Variants in PLCZ1 observed in about 807,000 individuals in gnomAD.
PLCZ1 encodes phospholipase C zeta 1.
A neutral mutation model predicts 76.8 loss-of-function variants in PLCZ1; 64 were observed. That is an observed-to-expected ratio of 0.83 (90% confidence interval 0.68 to 1.03). The LOEUF is 1.03. Among genes scored for constraint, PLCZ1 ranks in the 50% least tolerant of loss-of-function variants. The pLI is 0.00. For synonymous variants in PLCZ1, 248 were observed against 230.8 expected (o/e 1.07, Z -0.68); for missense variants, 751 against 713.7 (o/e 1.05, Z -0.60).
chr12:18,717,380 G>A (rs1391060324), intron 5 of PLCZ1, among the ~76,000 whole-genome samples: 1 of 152,062 alleles, frequency 6.6e-6, no homozygotes, highest in East Asian at 1.9e-4. Context: ...AATTAGAGAA[G>A]CAGCAATATT....
intron 1 of PLCZ1, 138 bp downstream of exon 1, chr12:18,737,794 G>T: frequency 3.2e-6 from 1 of 314,646 alleles, no homozygotes; most frequent in Non-Finnish European, 6.0e-6. Context: ...GCTTCCAGTG[G>T]GTTTGGGCAG....
intron 6 of PLCZ1, among the ~76,000 whole-genome samples, chr12:18,707,679 C>T (rs940304013): frequency 6.6e-6 from 1 of 152,176 alleles, no homozygotes; most frequent in Non-Finnish European, 1.5e-5. Context: ...TATGACTTCC[C>T]TAGTCATAAT....
chr12:18,663,164 C>G, the PLCZ1 span, among the ~76,000 whole-genome samples: 2 of 151,982 alleles, frequency 1.3e-5, no homozygotes, highest in East Asian at 3.9e-4. Flanking sequence ...AGATCAGGAA[C>G]AAGGCAAGGG....
rs1007098449 is a variant in PLCZ1 at position 18,692,577 on chromosome 12, A to G, written c.1461+2333T>C. On this transcript the variant is annotated intron_variant, in intron 12 of 14. Transcript: ENST00000266505. ...GACGAGAGTCTGGAGGAAAGGTGCT[A>G]GGTGGGATACAGACAGAAATAAAAA... 2.0e-5 allele frequency among the ~76,000 whole-genome samples: 3 copies of G among 152,306 alleles called. No individual in the cohort carries two copies. In the East Asian group the frequency reaches 5.8e-4, roughly 29 times the overall value.
At chr12:18,668,393 G>A in the PLCZ1 span, among the ~76,000 whole-genome samples, 1 of 152,146 alleles carries the variant, frequency 6.6e-6, no homozygotes, top group South Asian at 2.1e-4. Flanking sequence ...GGGAAAATTT[G>A]TAAAAGGAAA....
chr12:18,645,966 G>T, the PLCZ1 span, among the ~76,000 whole-genome samples: 1 of 152,086 alleles, frequency 6.6e-6, no homozygotes, highest in South Asian at 2.1e-4. Flanking sequence ...TGAACATGAT[G>T]TAGGAAGAAA....
chr12:18,657,404 A>G, the PLCZ1 span, among the ~76,000 whole-genome samples: 1 of 152,190 alleles, frequency 6.6e-6, no homozygotes, highest in Non-Finnish European at 1.5e-5. Context: ...GCTGACCCTC[A>G]GGCTCTATGA....
rs373258769 is a variant in PLCZ1, at chr12:18,701,486, A to G, written c.1017+15T>C. On this transcript the variant is annotated intron_variant, in intron 9 of 14. Coordinates refer to ENST00000266505, the MANE Select transcript of PLCZ1 (RefSeq NM_033123.4). ...TTCCAATCACTTGTAAGATTTTCAC[A>G]AAACACCACCTCACCTTCTTTTTCT... 111 of 1,614,082 alleles carry G rather than the reference A, an allele frequency of 6.9e-5. No individual in the cohort carries two copies. Among genetic ancestry groups the G allele is most frequent in the Admixed American group, 5.7e-4 (34 of 60,020 alleles).
the PLCZ1 span, among the ~76,000 whole-genome samples, chr12:18,673,688 T>G: frequency 6.6e-6 from 1 of 152,210 alleles, no homozygotes; most frequent in Admixed American, 6.5e-5. Flanking sequence ...GCCCTCTGAT[T>G]CACTGTCTCT....
At chr12:18,725,647 C>A (rs1958711586) in intron 3 of PLCZ1, among the ~76,000 whole-genome samples, 1 of 152,132 alleles carries the variant, frequency 6.6e-6, no homozygotes, top group African/African-American at 2.4e-5. Context: ...CCAAGGCCAT[C>A]TAAAATGTCA....
At chr12:18,737,188 A>G (rs1302491180) in intron 2 of PLCZ1, among the ~76,000 whole-genome samples, 173 bp downstream of exon 2, 1 of 152,198 alleles carries the variant, frequency 6.6e-6, no homozygotes, top group Non-Finnish European at 1.5e-5. Flanking sequence ...TGTAAGAAAA[A>G]GATACCAGAA....
intron 14 of PLCZ1, 143 bp downstream of exon 14, chr12:18,683,987 A>G (rs543231140): frequency 3.9e-4 from 408 of 1,045,508 alleles, no homozygotes; most frequent in Non-Finnish European, 5.0e-4. Flanking sequence ...ATAATTCCAC[A>G]GAGAAAAAAT....
At chr12:18,679,249 T>C (rs1380435807), downstream of PLCZ1, among the ~76,000 whole-genome samples, 1 of 152,032 alleles carries the variant, frequency 6.6e-6, no homozygotes, top group Non-Finnish European at 1.5e-5. Context: ...GCTTACCTTA[T>C]CATTTTCATT....
intron 12 of PLCZ1, among the ~76,000 whole-genome samples, chr12:18,692,188 A>T (rs1432565737): frequency 6.6e-6 from 1 of 152,160 alleles, no homozygotes; most frequent in African/African-American, 2.4e-5. Context: ...CTGGCCAGGG[A>T]CAGAAACATA....
In PLCZ1 at chr12:18,736,355, A is replaced by C; in HGVS notation, c.12-11T>G. ...TTTGACAAAAACCATGTAGAAGCAC[A>C]AAAAAGTTAAGGAAATTCTCACAGA... On this transcript the variant is annotated splice_polypyrimidine_tract_variant and intron_variant, in intron 2 of 14. Coordinates refer to ENST00000266505, the MANE Select transcript of PLCZ1 (RefSeq NM_033123.4). 5.6e-6 allele frequency: 9 copies of C among 1,609,182 alleles called. No individual in the cohort carries two copies. The highest frequency in any genetic ancestry group is 7.6e-6 in the Non-Finnish European group (9 of 1,177,990).
At position 18,696,229 on chromosome 12, in the gene PLCZ1, G is replaced by T; in HGVS notation, c.1212C>A (p.Thr404=). 6.3e-7 allele frequency: 1 copy of T among 1,594,704 alleles called. No homozygotes were observed. The highest frequency in any genetic ancestry group is 8.6e-7 in the Non-Finnish European group (1 of 1,168,112). ...CTCTTGTTGCTTTGGGATATATTCT[G>T]GTAATGAACTTCCTGGTGTGAAAAA... ...EFIFHTRKFI[T]RIYPKATRAD... The change falls in exon 11 of 15, where the codon ACC becomes ACA. Residue 404 remains threonine, a synonymous_variant. Transcript: ENST00000266505.
the PLCZ1 span, among the ~76,000 whole-genome samples, chr12:18,655,490 G>T: frequency 6.6e-6 from 1 of 152,146 alleles, no homozygotes; most frequent in Non-Finnish European, 1.5e-5. Context: ...CCTGATAAAA[G>T]GTAGAACATA....
intron 11 of PLCZ1, 21 bp from the exon 12 acceptor site, chr12:18,695,100 G>T: frequency 1.2e-6 from 2 of 1,603,558 alleles, no homozygotes; most frequent in South Asian, 1.1e-5. Context: ...GAAGTATTTT[G>T]ACATTGTCAG....
At chr12:18,683,996 A>G (rs1952710531) in intron 14 of PLCZ1, 134 bp downstream of exon 14, 1 of 1,089,242 alleles carries the variant, frequency 9.2e-7, no homozygotes, top group South Asian at 1.4e-5. Flanking sequence ...CAGAGAAAAA[A>G]TATGTGTCAA....
Sources: allele counts gnomAD v4.1 joint callset (sites outside exome capture counted in the v4.1 genomes callset), GRCh38; gene constraint gnomAD v4.1.1; transcripts MANE v1.5; gene names NCBI Gene and HGNC (gene_info 2026-07-23, HGNC 2026-07-21).